Variants in UNC13C observed in about 807,000 individuals in gnomAD.
UNC13C encodes unc-13 homolog C.
UNC13C carries 174 observed loss-of-function variants against 245.4 expected under a neutral mutation model. The observed-to-expected ratio is 0.71, with a 90% CI of 0.63 to 0.80. The LOEUF (loss-of-function observed/expected upper bound fraction) is 0.80, where lower values mean the gene tolerates loss of function less well. Ranked by LOEUF, UNC13C falls within the 30% of genes least tolerant of loss-of-function variation. UNC13C has a pLI of 0.00. For missense variants in UNC13C, 2,829 were observed against 2,602.9 expected, an observed-to-expected ratio of 1.09 and a Z score of -1.89; for synonymous variants, 992 against 895.1, an observed-to-expected ratio of 1.11 and a Z score of -1.93.
chr15:54,452,919 G>A (rs1363984289), intron 19 of UNC13C, among the ~76,000 whole-genome samples: 2 of 152,234 alleles, frequency 1.3e-5, no homozygotes, highest in Admixed American at 1.3e-4. Flanking sequence ...CCAGGTGGCA[G>A]TAGCCAGCAG....
At chr15:53,892,520 T>G in the UNC13C span, among the ~76,000 whole-genome samples, 1 of 152,210 alleles carries the variant, frequency 6.6e-6, no homozygotes, top group Non-Finnish European at 1.5e-5. Flanking sequence ...ACCAATCAAA[T>G]GTACATTTAG....
chr15:53,912,615 A>G, the UNC13C span: 1 of 152,110 alleles, frequency 6.6e-6, no homozygotes, highest in Non-Finnish European at 1.5e-5. Flanking sequence ...ATTTTGCATG[A>G]TCTGGACTTA....
chr15:54,498,576 T>G lies in UNC13C; in HGVS notation c.5061-1503T>G, dbSNP rs544451178. Among the ~76,000 whole-genome samples, 181 of 152,270 alleles carry G rather than the reference T, an allele frequency of 1.2e-3. 1 individual carries two copies. The highest frequency in any genetic ancestry group is 4.3e-3 in the African/African-American group (177 of 41,582). On this transcript the variant is annotated intron_variant, in intron 20 of 32. Transcript: ENST00000260323. ...TGTTTTTGAAGTAGAATTTTAAAAG[T>G]AAGTGTGGTCTATTTAAAACTTTAT...
In UNC13C at chr15:54,250,360, G is replaced by T. The variant is rs767493193; in HGVS notation, c.3364G>T (p.Ala1122Ser). ...YECEGLLWGIARQGMKCLECG... is the reference protein window; with the variant it reads ...YECEGLLWGISRQGMKCLECG... ...GTGTGAAGGGCTCCTGTGGGGCATT[G>T]CAAGGCAAGGCATGAAGTGTCTGGA... The change falls in exon 8 of 33, where the codon GCA (alanine) becomes TCA (serine). Residue 1122 changes from alanine (A) to serine (S), a missense_variant. Transcript: ENST00000260323. 3.1e-6 allele frequency: 5 copies of T among 1,613,926 alleles called. No homozygotes were observed. The highest frequency in any genetic ancestry group is 4.2e-6 in the Non-Finnish European group (5 of 1,179,864).
At chr15:54,401,587 G>C (rs1023670593) in intron 18 of UNC13C, among the ~76,000 whole-genome samples, 2 of 152,184 alleles carry the variant, frequency 1.3e-5, no homozygotes, top group Admixed American at 6.5e-5. Flanking sequence ...AAGTCAGAAT[G>C]AAGTATAAAC....
chr15:54,294,211 G>T, intron 11 of UNC13C, 147 bp downstream of exon 11: 2 of 711,346 alleles, frequency 2.8e-6, no homozygotes, highest in Non-Finnish European at 4.1e-6. Context: ...TCATTGACAA[G>T]AAAAGGCTAT....
intron 2 of UNC13C, among the ~76,000 whole-genome samples, chr15:54,077,100 G>T (rs1268584187): frequency 6.6e-6 from 1 of 152,040 alleles, no homozygotes; most frequent in African/African-American, 2.4e-5. Context: ...CCAGGGGCCT[G>T]TTATAGTGAA....
Position 54,571,856 on chromosome 15 carries a change from C to T in UNC13C, c.6106+3909C>T, listed in dbSNP as rs1462638179. ...AAGAAGAGAAAATCTCTATCTTCCT[C>T]ATTTGTGACCAACTCTGATGTGTAT... is the stretch of plus-strand genomic sequence containing the variant. On this transcript the variant is annotated intron_variant, in intron 30 of 32. Coordinates refer to ENST00000260323, the MANE Select transcript of UNC13C (RefSeq NM_001080534.3). Among the ~76,000 whole-genome samples, 3 of 152,204 alleles carry T rather than the reference C, an allele frequency of 2.0e-5. No homozygotes were observed. In the East Asian group the frequency reaches 5.8e-4, roughly 29 times the overall value.
intron 17 of UNC13C, among the ~76,000 whole-genome samples, chr15:54,390,340 C>T (rs1171230476): frequency 6.6e-6 from 1 of 152,064 alleles, no homozygotes; most frequent in African/African-American, 2.4e-5. Context: ...AAAAACTTTT[C>T]TCTATATGCT....
At chr15:54,050,696 T>C (rs149371894) in intron 2 of UNC13C, 2 of 548,312 alleles carry the variant, frequency 3.6e-6, no homozygotes, top group African/African-American at 1.9e-5. Context: ...CCGGTGAAGA[T>C]CTATAGGGTA....
At chr15:54,283,944 CA>C (rs911840226) in intron 10 of UNC13C, among the ~76,000 whole-genome samples, 1 of 151,962 alleles carries the variant, frequency 6.6e-6, no homozygotes, top group African/African-American at 2.4e-5. Context: ...AAGTGAAATA[CA>C]AAAAATGTGT....
In UNC13C at chr15:54,621,155, A is replaced by G. The variant is rs77185930; in HGVS notation, c.6107-1172A>G. 4.3e-3 allele frequency among the ~76,000 whole-genome samples: 650 copies of G among 152,286 alleles called. 16 individuals are homozygous for G. The highest frequency in any genetic ancestry group is 0.033 in the Admixed American group (511 of 15,300). ...GGCCCAAATCTTGATGATTCTCTCA[A>G]GATAGAAACTGAAAGTCTTTCAGAA... On this transcript the variant is annotated intron_variant, in intron 30 of 32. Transcript: ENST00000260323.
At chr15:53,941,245 C>T in the UNC13C span, among the ~76,000 whole-genome samples, 1 of 152,072 alleles carries the variant, frequency 6.6e-6, no homozygotes. Context: ...ACTGGCTAGC[C>T]ATATGCAGAA....
intron 13 of UNC13C, among the ~76,000 whole-genome samples, chr15:54,312,221 CAT>C (rs1491139738): frequency 2.0e-5 from 3 of 151,174 alleles, no homozygotes; most frequent in Middle Eastern, 3.4e-3. Context: ...GTTTGGTGTG[CAT>C]GTGTGTGTGT....
chr15:53,849,470 A>G, the UNC13C span, among the ~76,000 whole-genome samples: 2 of 152,144 alleles, frequency 1.3e-5, no homozygotes, highest in Non-Finnish European at 2.9e-5. Flanking sequence ...TTATAACATT[A>G]TACTTTAAGT....
chr15:54,079,169 T>C (rs1255885740), intron 2 of UNC13C, among the ~76,000 whole-genome samples: 2 of 152,138 alleles, frequency 1.3e-5, no homozygotes, highest in Admixed American at 1.3e-4. Context: ...CATTGATCTA[T>C]GTGTGTATTT....
At chr15:53,890,586 G>C in the UNC13C span, among the ~76,000 whole-genome samples, 146 of 152,306 alleles carry the variant, frequency 9.6e-4, 1 homozygote, top group African/African-American at 3.4e-3. Flanking sequence ...TCCTGGTTTA[G>C]ACTTGGGAGA....
chr15:54,475,711 T>G (rs1892703249), intron 19 of UNC13C, among the ~76,000 whole-genome samples: 1 of 140,254 alleles, frequency 7.1e-6, no homozygotes, highest in South Asian at 2.5e-4. Context: ...CTATCATTGT[T>G]GGACATCTGG....
Position 54,235,676 on chromosome 15 carries a change from C to A in UNC13C, c.3150+568C>A, listed in dbSNP as rs1596058114. 1.3e-5 allele frequency among the ~76,000 whole-genome samples: 2 copies of A among 152,132 alleles called. 1 individual carries two copies. The highest frequency in any genetic ancestry group is 4.2e-4 in the South Asian group (2 of 4,812). On this transcript the variant is annotated intron_variant, in intron 5 of 32. Coordinates refer to ENST00000260323, the MANE Select transcript of UNC13C (RefSeq NM_001080534.3). ...GACCATCCTGGCTAACATGGTGAAACGCTGTCTCTACTAAAAATACAAAAA... is the reference window on the plus strand; with the variant it reads ...GACCATCCTGGCTAACATGGTGAAAAGCTGTCTCTACTAAAAATACAAAAA...
Sources: gnomAD v4.1 joint callset for allele counts (sites outside exome capture counted in the v4.1 genomes callset) on GRCh38, gnomAD v4.1.1 for gene constraint, MANE v1.5 for transcripts, NCBI Gene and HGNC (gene_info 2026-07-23, HGNC 2026-07-21) for gene names.